Variants in SSPN observed in about 807,000 individuals in gnomAD.
SSPN encodes sarcospan.
In SSPN, 15 loss-of-function variants were observed where a neutral mutation model predicts 19.1. That is an observed-to-expected ratio of 0.78 (90% CI 0.52 to 1.21). The LOEUF (loss-of-function observed/expected upper bound fraction) is 1.21. Among genes scored for constraint, SSPN ranks in the 50% most tolerant of loss-of-function variants. SSPN has a pLI of 0.00. For missense variants in SSPN, 291 were observed against 314.0 expected, an observed-to-expected ratio of 0.93 and a Z score of 0.55; for synonymous variants, 147 against 140.3, an observed-to-expected ratio of 1.05 and a Z score of -0.34.
chr12:26,192,679 C>CA (rs1271516244), upstream of SSPN, among the ~76,000 whole-genome samples: 4 of 152,172 alleles, frequency 2.6e-5, no homozygotes, highest in African/African-American at 9.7e-5. Context: ...GTGTGAGTTT[C>CA]CCTAGACCAC....
intron 1 of SSPN, among the ~76,000 whole-genome samples, chr12:26,149,025 C>A (rs1944509605): frequency 6.6e-6 from 1 of 152,158 alleles, no homozygotes; most frequent in African/African-American, 2.4e-5. Context: ...AAACTTCAAG[C>A]CATCTTGGAT....
At chr12:26,132,644 T>G (rs1439532105) in intron 1 of SSPN, among the ~76,000 whole-genome samples, 1 of 152,188 alleles carries the variant, frequency 6.6e-6, no homozygotes, top group Non-Finnish European at 1.5e-5. Context: ...CAATTTGCCC[T>G]AGCTCCCTGA....
At position 26,195,948 on chromosome 12, in the gene SSPN, C is replaced by T. The variant is rs776364993; in HGVS notation, c.276C>T (p.Ile92=). Residue 92 remains isoleucine, a synonymous_variant, in exon 1 of 3, where the codon ATC becomes ATT. Coordinates refer to ENST00000242729, the MANE Select transcript of SSPN (RefSeq NM_005086.5). ...GGGACACTCCATTTTGGGCTGGGAT[C>T]ATTGTAAGCATCAAGTCTGTTTTGC... is the stretch of plus-strand genomic sequence containing the variant. The part of the protein sequence containing the change: ...LVRDTPFWAG[I]IVCLVAYLGL... The T allele has an allele frequency of 1.9e-5, 28 of 1,503,378 alleles. No individual in the cohort carries two copies. The highest frequency in any genetic ancestry group is 2.5e-5 in the Non-Finnish European group (28 of 1,128,008). The allele number at this position is 1,503,378 out of a possible 1,614,324, so 93.1% of individuals were successfully genotyped here. A position where few individuals can be genotyped will look rare whatever the true frequency, so the allele number is the denominator to read the frequency against.
intron 1 of SSPN, among the ~76,000 whole-genome samples, chr12:26,168,860 G>C (rs548666013): frequency 6.6e-6 from 1 of 152,146 alleles, no homozygotes; most frequent in Non-Finnish European, 1.5e-5. Context: ...ATGCCACAAT[G>C]GTTAATGTGG....
At chr12:26,159,057 T>C (rs921547845) in intron 1 of SSPN, among the ~76,000 whole-genome samples, 3 of 152,230 alleles carry the variant, frequency 2.0e-5, no homozygotes, top group African/African-American at 4.8e-5. Context: ...TGACCAGCTC[T>C]GGGGTCAGGA....
At chr12:26,135,017 C>G (rs1209605364) in intron 1 of SSPN, 1 of 152,264 alleles carries the variant, frequency 6.6e-6, no homozygotes, top group Non-Finnish European at 1.5e-5. Flanking sequence ...AAGCTCTGCT[C>G]CCTAGCAGCC....
At chr12:26,187,111 T>G (rs1325626892) in intron 1 of SSPN, among the ~76,000 whole-genome samples, 1 of 152,224 alleles carries the variant, frequency 6.6e-6, no homozygotes, top group Non-Finnish European at 1.5e-5. Flanking sequence ...CCAGAATCCT[T>G]GTCTCATGCC....
At chr12:26,124,423 C>A in intron 1 of SSPN, 2 of 1,367,060 alleles carry the variant, frequency 1.5e-6, no homozygotes. Context: ...AGCTCAGGGG[C>A]TGGAATATAT....
chr12:26,198,796 G>A (rs1944852790), intron 1 of SSPN, among the ~76,000 whole-genome samples: 1 of 152,160 alleles, frequency 6.6e-6, no homozygotes, highest in Non-Finnish European at 1.5e-5. Flanking sequence ...AATGAACTTG[G>A]AGGAGAGTGG....
chr12:26,230,822 G>T lies in SSPN; in HGVS notation c.478G>T (p.Asp160Tyr), dbSNP rs201617172. Reference protein sequence around the residue: ...LTQFTCETTLDSCQCKLPSSE... With the variant: ...LTQFTCETTLYSCQCKLPSSE... ...ACAGTTTACCTGTGAGACCACACTC[G>T]ACTCTTGCCAGTGCAAACTGCCCTC... is the stretch of plus-strand genomic sequence containing the variant. Residue 160 changes from aspartate to tyrosine, a missense_variant, in exon 3 of 3, where the codon GAC (aspartate) becomes TAC (tyrosine). By Grantham distance (160) the Asp-to-Tyr change is radical (BLOSUM62 -3). This residue lies in a region of SSPN where 141 missense variants were observed against 166.7 expected (regional missense o/e 0.85). Coordinates refer to ENST00000242729, the MANE Select transcript of SSPN (RefSeq NM_005086.5). The T allele has an allele frequency of 3.7e-6, 6 of 1,614,072 alleles. No individual in the cohort carries two copies. The African/African-American group carries it at 6.7e-5, about 18-fold the overall frequency.
At chr12:26,196,752 T>C (rs571489924) in intron 1 of SSPN, among the ~76,000 whole-genome samples, 1 of 152,348 alleles carries the variant, frequency 6.6e-6, no homozygotes, top group Non-Finnish European at 1.5e-5. Flanking sequence ...CACATCGTCC[T>C]GATGGGATCG....
At chr12:26,166,578 T>G (rs574018720) in intron 1 of SSPN, among the ~76,000 whole-genome samples, 1 of 152,350 alleles carries the variant, frequency 6.6e-6, no homozygotes, top group African/African-American at 2.4e-5. Context: ...GGTTTTTACG[T>G]TTTTAAATGG....
intron 1 of SSPN, among the ~76,000 whole-genome samples, chr12:26,203,023 TG>T (rs1334255287): frequency 6.6e-6 from 1 of 152,146 alleles, no homozygotes; most frequent in Non-Finnish European, 1.5e-5. Flanking sequence ...GAGAGAGCAC[TG>T]GGGAAACTGC....
chr12:26,210,754 G>GT (rs1944976961), intron 1 of SSPN, among the ~76,000 whole-genome samples: 1 of 152,052 alleles, frequency 6.6e-6, no homozygotes, highest in African/African-American at 2.4e-5. Flanking sequence ...GGGATGCTAC[G>GT]TTTTATCCAG....
At chr12:26,185,177 G>T (rs571114874) in intron 1 of SSPN, among the ~76,000 whole-genome samples, 1 of 152,186 alleles carries the variant, frequency 6.6e-6, no homozygotes. Flanking sequence ...CAATATCTCA[G>T]TATGGGCTGC....
intron 1 of SSPN, chr12:26,122,985 G>A (rs1394647498): frequency 6.4e-7 from 1 of 1,565,766 alleles, no homozygotes; most frequent in Non-Finnish European, 8.7e-7. Context: ...CAACAGCTGC[G>A]GGGTGGGCAA....
At chr12:26,207,576 T>C (rs1944941998) in intron 1 of SSPN, among the ~76,000 whole-genome samples, 1 of 152,196 alleles carries the variant, frequency 6.6e-6, no homozygotes, top group African/African-American at 2.4e-5. Flanking sequence ...AACCAACATG[T>C]CATATTTTAA....
In SSPN at chr12:26,233,192, G is replaced by A. The variant is rs1194226229; in HGVS notation, c.*2116G>A. ...AATTAAGACTCTGTATATCCTTAAG[G>A]TGCTCTATGCTTTACCAGTAATTCA... On this transcript the variant is annotated 3_prime_UTR_variant, in exon 3 of 3. Transcript: ENST00000242729. The surrounding 1 kb of genome is among the most constrained non-coding windows in gnomAD (Gnocchi z 4.3). 2 of 151,838 alleles carry A rather than the reference G, an allele frequency of 1.3e-5. No individual in the cohort carries two copies. The highest frequency in any genetic ancestry group is 4.8e-5 in the African/African-American group (2 of 41,316). The allele number at this position is 151,838 out of a possible 1,614,324, so 9.4% of individuals were successfully genotyped here.
chr12:26,139,379 A>C (rs898584232), intron 1 of SSPN, among the ~76,000 whole-genome samples: 14 of 152,236 alleles, frequency 9.2e-5, no homozygotes, highest in African/African-American at 3.4e-4. Flanking sequence ...CATTGATATG[A>C]GCAATGTTTT....
Sources: gnomAD v4.1 joint callset for allele counts (sites outside exome capture counted in the v4.1 genomes callset) on GRCh38, gnomAD v4.1.1 for gene constraint, gnomAD v4.1.1 regional missense constraint, Gnocchi (gnomAD v3.1) non-coding constraint, MANE v1.5 for transcripts, NCBI Gene and HGNC (gene_info 2026-07-23, HGNC 2026-07-21) for gene names.